PLCXD1: variants seen among roughly 807,000 people sequenced by gnomAD.
PLCXD1 encodes the protein PI-PLC X domain-containing protein 1.
PLCXD1 carries 45 observed loss-of-function variants against 37.8 expected under a neutral mutation model. The ratio of observed to expected loss-of-function variants is 1.19; its 90% CI spans 0.94 to 1.53. The LOEUF is 1.53. PLCXD1 is among the 40% of genes most tolerant of loss of function. The pLI is 0.00. For synonymous variants in PLCXD1, 246 were observed against 206.9 expected, an observed-to-expected ratio of 1.19 and a Z score of -1.62; for missense variants, 539 against 454.7, an observed-to-expected ratio of 1.19 and a Z score of -1.69.
In PLCXD1 at chrX:293,037, G is replaced by A; in HGVS notation, c.552G>A (p.Glu184=). Residue 184 remains glutamate, a splice_region_variant and synonymous_variant, in exon 6 of 7, where the codon GAG becomes GAA. Coordinates refer to ENST00000381657, the MANE Select transcript of PLCXD1 (RefSeq NM_018390.4). ...IFGDMLCPRG[E]VPTLRQLWSR... Reference sequence around the variant, plus strand: ...CCCTTAACTCTGGTCCTTTGCAGGAGGTGCCGACACTGCGGCAGCTGTGGT... The same window carrying A: ...CCCTTAACTCTGGTCCTTTGCAGGAAGTGCCGACACTGCGGCAGCTGTGGT... The A allele has an allele frequency of 1.2e-6, 2 of 1,605,432 alleles. No individual in the cohort carries two copies. Among genetic ancestry groups the A allele is most frequent in the Middle Eastern group, 4.5e-4 (2 of 4,446 alleles).
intron 6 of PLCXD1, among the ~76,000 whole-genome samples, chrX:295,530 T>C (rs1210125669): frequency 1.3e-5 from 2 of 150,266 alleles, no homozygotes; most frequent in Non-Finnish European, 3.0e-5. Flanking sequence ...GAAATGTCTT[T>C]TTTTTTTTTT....
intron 2 of PLCXD1, among the ~76,000 whole-genome samples, chrX:287,555 G>T (rs1309916296): frequency 1.1e-5 from 1 of 88,876 alleles, no homozygotes; most frequent in African/African-American, 7.2e-5. Flanking sequence ...TATAGATATA[G>T]ATACTATATA....
intron 1 of PLCXD1, 149 bp downstream of exon 1, chrX:281,833 A>T (rs2069284656): frequency 6.6e-6 from 1 of 152,156 alleles, no homozygotes; most frequent in Non-Finnish European, 1.5e-5. Context: ...ATTGTGGCTC[A>T]CTACAGCCCC....
chrX:292,380 A>AC (rs2069665839), intron 5 of PLCXD1, among the ~76,000 whole-genome samples: 1 of 151,926 alleles, frequency 6.6e-6, no homozygotes, highest in Admixed American at 6.6e-5. Flanking sequence ...AATGGTGTGA[A>AC]CCCGGGGGGT....
chrX:282,958 A>G (rs764993699), intron 1 of PLCXD1, among the ~76,000 whole-genome samples: 1 of 142,280 alleles, frequency 7.0e-6, no homozygotes, highest in African/African-American at 2.7e-5. Flanking sequence ...TATATATATT[A>G]TATATGTATA....
At chrX:282,942 A>AT (rs2069316756) in intron 1 of PLCXD1, among the ~76,000 whole-genome samples, 1 of 117,352 alleles carries the variant, frequency 8.5e-6, no homozygotes, top group African/African-American at 4.1e-5. Flanking sequence ...TGTTATATAT[A>AT]TATTATATAT....
chrX:293,345 G>A (rs1171349390), intron 6 of PLCXD1, 127 bp downstream of exon 6: 128 of 731,582 alleles, frequency 1.7e-4, no homozygotes, highest in Non-Finnish European at 2.8e-4. Flanking sequence ...CCATGAGCTG[G>A]GCGTGGTAAT....
Position 300,588 on chromosome X carries a change from T to G in PLCXD1, c.*1253T>G, listed in dbSNP as rs67408120. 0.54 allele frequency: 80,443 copies of G among 150,276 alleles called. 21,502 individuals carry two copies. Among genetic ancestry groups the G allele is most frequent in the Middle Eastern group, 0.65 (191 of 296 alleles). The allele number at this position is 150,276 out of a possible 1,614,324, so 9.3% of individuals were successfully genotyped here. On this transcript the variant is annotated 3_prime_UTR_variant, in exon 7 of 7. Transcript: ENST00000381657. Reference sequence around the variant, plus strand: ...TGTGTATGTGTACATGTATATGTGTTTATACATGTATATGTGTGTATGCGT... The same window carrying G: ...TGTGTATGTGTACATGTATATGTGTGTATACATGTATATGTGTGTATGCGT...
At chrX:296,683 A>G (rs2069819018) in intron 6 of PLCXD1, among the ~76,000 whole-genome samples, 1 of 152,200 alleles carries the variant, frequency 6.6e-6, no homozygotes, top group Non-Finnish European at 1.5e-5. Context: ...TAAGCCTCAT[A>G]AGAGATGGCA....
At chrX:293,338 T>C in intron 6 of PLCXD1, 120 bp downstream of exon 6, 1 of 769,452 alleles carries the variant, frequency 1.3e-6, no homozygotes, top group Non-Finnish European at 2.1e-6. Flanking sequence ...AAGGAATCCA[T>C]GAGCTGGGCG....
rs775182012 is a variant in PLCXD1, at chrX:290,777, G to A, written c.393+1G>A. 1 of 1,612,446 alleles carries A rather than the reference G, an allele frequency of 6.2e-7. No individual in the cohort carries two copies. The highest frequency in any genetic ancestry group is 1.3e-5 in the African/African-American group (1 of 74,874). ...GGTGTACACAACGGCGCTGGTGGAG[G>A]TGCGGCCGGGCTGAGGTGGGACGCA... On this transcript the variant is annotated splice_donor_variant, in intron 4 of 6. Coordinates refer to ENST00000381657, the MANE Select transcript of PLCXD1 (RefSeq NM_018390.4). LOFTEE classifies it high-confidence loss of function.
At chrX:279,597 C>A (rs1410180301), upstream of PLCXD1, among the ~76,000 whole-genome samples, 1 of 151,772 alleles carries the variant, frequency 6.6e-6, no homozygotes, top group African/African-American at 2.4e-5. Context: ...CATGGTGAGA[C>A]CCCCGTTGCT....
upstream of PLCXD1, among the ~76,000 whole-genome samples, chrX:276,809 A>G (rs2069165916): frequency 6.6e-6 from 1 of 151,960 alleles, no homozygotes; most frequent in South Asian, 2.1e-4. Context: ...GGCACTGGGA[A>G]TGCTGGGATC....
chrX:291,491 C>T lies in PLCXD1; in HGVS notation c.394-8C>T, dbSNP rs769484253. 2.7e-5 allele frequency: 44 copies of T among 1,612,180 alleles called. No homozygotes were observed. Among genetic ancestry groups the T allele is most frequent in the Non-Finnish European group, 3.6e-5 (43 of 1,179,816 alleles). ...GTGCAGGACTCAGCCCAGCACCCCC[C>T]TCCCCAGGACACACTCACGGAAATC... is the stretch of plus-strand genomic sequence containing the variant. On this transcript the variant is annotated splice_region_variant and splice_polypyrimidine_tract_variant and intron_variant, in intron 4 of 6. Coordinates refer to ENST00000381657, the MANE Select transcript of PLCXD1 (RefSeq NM_018390.4).
chrX:291,457 G>C (rs762501660), intron 4 of PLCXD1, 42 bp from the exon 5 acceptor site: 12 of 1,607,900 alleles, frequency 7.5e-6, no homozygotes, highest in Non-Finnish European at 6.8e-6. Context: ...TCCCTGTGGT[G>C]TTGGAGTCGT....
chrX:294,183 C>CA (rs1354064877), intron 6 of PLCXD1, among the ~76,000 whole-genome samples: 3 of 152,024 alleles, frequency 2.0e-5, no homozygotes, highest in African/African-American at 7.2e-5. Flanking sequence ...AGCAAAAATA[C>CA]AAAAATTAGC....
chrX:291,544 G>A lies in PLCXD1; in HGVS notation c.439G>A (p.Glu147Lys), dbSNP rs752401046. ...GGAGTGGCTGGAGCGGCATCCACGC[G>A]AGGTGGTCATCCTGGCCTGCAGAAA... ...ISEWLERHPR[E>K]VVILACRNFE... The change falls in exon 5 of 7, where the codon GAG becomes AAG. Residue 147 changes from glutamate (E) to lysine (K), a missense_variant. Physicochemically the swap from Glu to Lys is moderately conservative, Grantham distance 56. Coordinates refer to ENST00000381657, the MANE Select transcript of PLCXD1 (RefSeq NM_018390.4). 7 of 1,612,834 alleles carry A rather than the reference G, an allele frequency of 4.3e-6. No homozygotes were observed. Among genetic ancestry groups the A allele is most frequent in the East Asian group, 2.2e-5 (1 of 44,890 alleles).
At chrX:279,912 C>T (rs1292826370), upstream of PLCXD1, among the ~76,000 whole-genome samples, 4 of 152,100 alleles carry the variant, frequency 2.6e-5, no homozygotes, top group African/African-American at 4.8e-5. Context: ...TGCAATGGCG[C>T]GATCTCGGCT....
chrX:284,984 C>T lies in PLCXD1; in HGVS notation c.127+670C>T, dbSNP rs1375317539. Among the ~76,000 whole-genome samples, 15 of 152,254 alleles carry T rather than the reference C, an allele frequency of 9.9e-5. No homozygotes were observed. In the South Asian group the frequency reaches 2.9e-3, roughly 29 times the overall value. On this transcript the variant is annotated intron_variant, in intron 2 of 6. Transcript: ENST00000381657. ...TCGGTGACCTCCCACCAGGTCCCTC[C>T]CATGACAGATGGGAATTATGGGAGC...
Sources: gnomAD v4.1 joint callset for allele counts (sites outside exome capture counted in the v4.1 genomes callset) on GRCh38, gnomAD v4.1.1 for gene constraint, MANE v1.5 for transcripts, NCBI Gene and HGNC (gene_info 2026-07-23, HGNC 2026-07-21) for gene names.